Variants in DBT observed in about 807,000 individuals in gnomAD.
DBT encodes the protein lipoamide acyltransferase component of branched-chain alpha-keto acid dehydrogenase complex, mitochondrial.
DBT carries 40 observed loss-of-function variants against 51.3 expected under a neutral mutation model. The observed-to-expected ratio is 0.78, with a 90% CI of 0.61 to 1.02. The LOEUF (loss-of-function observed/expected upper bound fraction) is 1.02. Among genes scored for constraint, DBT ranks in the 50% least tolerant of loss-of-function variants. The pLI is 0.00. For synonymous variants in DBT, 181 were observed against 190.4 expected (o/e 0.95, Z 0.41); for missense variants, 510 against 580.2 (o/e 0.88, Z 1.24).
chr1:100,235,620 C>T (rs1302361825), intron 2 of DBT, 109 bp from the exon 3 acceptor site: 1 of 629,360 alleles, frequency 1.6e-6, no homozygotes, highest in East Asian at 2.9e-5. Flanking sequence ...GAAATTCTTC[C>T]ATCTTACAGA....
chr1:100,218,134 T>C lies in DBT; in HGVS notation c.555+492A>G, dbSNP rs188419936. Among the ~76,000 whole-genome samples, 100 of 152,338 alleles carry C rather than the reference T, an allele frequency of 6.6e-4. 2 individuals are homozygous for C. The highest frequency in any genetic ancestry group is 2.0e-3 in the Admixed American group (30 of 15,302). On this transcript the variant is annotated intron_variant, in intron 5 of 10. Coordinates refer to ENST00000370132, the MANE Select transcript of DBT (RefSeq NM_001918.5). Reference sequence around the variant, plus strand: ...CCTCAAAGCAGTAATTCTGTGGTTCTCCCTTGCACCCTCAGATCAGGCCAG... The same window carrying C: ...CCTCAAAGCAGTAATTCTGTGGTTCCCCCTTGCACCCTCAGATCAGGCCAG...
chr1:100,245,566 T>C (rs1271690286), intron 1 of DBT, among the ~76,000 whole-genome samples: 1 of 152,228 alleles, frequency 6.6e-6, no homozygotes. Flanking sequence ...AATAACACCA[T>C]TTTCATTCTC....
intron 7 of DBT, among the ~76,000 whole-genome samples, chr1:100,214,364 A>C (rs1272228875): frequency 6.6e-6 from 1 of 152,214 alleles, no homozygotes; most frequent in Non-Finnish European, 1.5e-5. Context: ...GAACAAAGAA[A>C]TGGCACATTT....
At chr1:100,228,273 C>A (rs940252472) in intron 4 of DBT, among the ~76,000 whole-genome samples, 11 of 152,104 alleles carry the variant, frequency 7.2e-5, no homozygotes. Flanking sequence ...AAAACAAAGG[C>A]AATCTCTTCA....
At chr1:100,223,920 T>G (rs1039441262) in intron 4 of DBT, among the ~76,000 whole-genome samples, 2 of 152,184 alleles carry the variant, frequency 1.3e-5, no homozygotes, top group African/African-American at 4.8e-5. Context: ...CAGATACAAG[T>G]TGGCATACCT....
In DBT at chr1:100,206,565, C is replaced by G; in HGVS notation, c.1089G>C (p.Gln363His). Residue 363 changes from glutamine (Q) to histidine (H), a missense_variant, in exon 9 of 11, where the codon CAG becomes CAC. Transcript: ENST00000370132. ...GLIVPNVKNV[Q>H]ICSIFDIATE... is the part of the protein sequence containing the mutation. ...TGGCGATGTCAAATATAGAGCAGAT[C>G]TGAACATTTTTCACATTAGGGACAA... 1 of 1,612,230 alleles carries G rather than the reference C, an allele frequency of 6.2e-7. No individual in the cohort carries two copies.
intron 1 of DBT, among the ~76,000 whole-genome samples, chr1:100,242,032 A>T (rs1664254186): frequency 6.6e-6 from 1 of 152,044 alleles, no homozygotes; most frequent in African/African-American, 2.4e-5. Context: ...AAAAAAAAAA[A>T]TTTCAATGCT....
At chr1:100,214,139 A>G (rs1456612739) in intron 7 of DBT, among the ~76,000 whole-genome samples, 1 of 152,162 alleles carries the variant, frequency 6.6e-6, no homozygotes, top group Non-Finnish European at 1.5e-5. Context: ...GATCCTCAAT[A>G]TAAGTTGGTT....
At chr1:100,212,376 G>A (rs1662201265) in intron 7 of DBT, among the ~76,000 whole-genome samples, 1 of 150,528 alleles carries the variant, frequency 6.6e-6, no homozygotes, top group South Asian at 2.1e-4. Flanking sequence ...TCTCTACTAA[G>A]AATAAAAAAA....
At chr1:100,229,556 AC>A (rs1243657816) in intron 4 of DBT, among the ~76,000 whole-genome samples, 1 of 152,204 alleles carries the variant, frequency 6.6e-6, no homozygotes, top group Admixed American at 6.5e-5. Flanking sequence ...TATAAATTAT[AC>A]CATGTGATTC....
chr1:100,211,232 G>A, intron 7 of DBT: 1 of 680,618 alleles, frequency 1.5e-6, no homozygotes, highest in Non-Finnish European at 2.7e-6. Context: ...TTTGCTACTT[G>A]GTGTCCTTGG....
chr1:100,224,721 A>C (rs1001499110), intron 4 of DBT, among the ~76,000 whole-genome samples: 1 of 152,006 alleles, frequency 6.6e-6, no homozygotes, highest in Non-Finnish European at 1.5e-5. Flanking sequence ...ACATACATAA[A>C]ATATAAAATC....
chr1:100,238,080 T>A (rs1663987034), intron 2 of DBT, among the ~76,000 whole-genome samples: 1 of 152,002 alleles, frequency 6.6e-6, no homozygotes, highest in African/African-American at 2.4e-5. Context: ...TGACTCCAGG[T>A]TTCTAGCTTT....
In DBT at chr1:100,193,775, G is replaced by T. The variant is rs1557937625; in HGVS notation, c.*2480C>A. 1 of 152,032 alleles carries T rather than the reference G, an allele frequency of 6.6e-6. No homozygotes were observed. The highest frequency in any genetic ancestry group is 2.4e-5 in the African/African-American group (1 of 41,388). The allele number at this position is 152,032 out of a possible 1,614,324, so 9.4% of individuals were successfully genotyped here. On this transcript the variant is annotated 3_prime_UTR_variant, in exon 11 of 11. Transcript: ENST00000370132. ...CTGCCACCGTGCCTGGCTGATTTTT[G>T]TATTTTCAATAGAGATGAGGTTTCA...
rs1377402157 is a variant in DBT, at chr1:100,189,528, A to G, written c.*6727T>C. ...AAAGCATTGGAATGAATGTCTGTAG[A>G]TCAGGACAGAGGTGGGTTCAGAGAA... On this transcript the variant is annotated 3_prime_UTR_variant, in exon 11 of 11. Transcript: ENST00000370132. 2 of 152,152 alleles carry G rather than the reference A, an allele frequency of 1.3e-5. No homozygotes were observed. Among genetic ancestry groups the G allele is most frequent in the African/African-American group, 2.4e-5 (1 of 41,410 alleles). 9.4% of individuals were successfully genotyped at this position (152,152 alleles called of 1,614,324 possible).
intron 10 of DBT, among the ~76,000 whole-genome samples, chr1:100,201,136 A>C (rs1411274420): frequency 1.3e-5 from 2 of 152,166 alleles, no homozygotes; most frequent in Admixed American, 6.5e-5. Flanking sequence ...AACCCAATGC[A>C]AGGAAGCTAG....
intron 3 of DBT, among the ~76,000 whole-genome samples, chr1:100,232,880 GT>G (rs1557957522): frequency 6.6e-6 from 1 of 152,162 alleles, no homozygotes; most frequent in East Asian, 1.9e-4. Flanking sequence ...ATTCTATTAA[GT>G]TTCTACTAAT....
Position 100,193,839 on chromosome 1 carries a change from G to A in DBT, c.*2416C>T, listed in dbSNP as rs1431729953. On this transcript the variant is annotated 3_prime_UTR_variant, in exon 11 of 11. Coordinates refer to ENST00000370132, the MANE Select transcript of DBT (RefSeq NM_001918.5). ...GCTGGTCTCGAACTCCTGACCTTGTGATCTACCTGCCTTGGCCTCCCAAAG... is the reference window on the plus strand; with the variant it reads ...GCTGGTCTCGAACTCCTGACCTTGTAATCTACCTGCCTTGGCCTCCCAAAG... 1 of 152,190 alleles carries A rather than the reference G, an allele frequency of 6.6e-6. No individual in the cohort carries two copies. The highest frequency in any genetic ancestry group is 1.5e-5 in the Non-Finnish European group (1 of 68,058). The allele number at this position is 152,190 out of a possible 1,614,324, so 9.4% of individuals were successfully genotyped here.
rs748100798 is a variant in DBT at position 100,230,729 on chromosome 1, A to G, written c.433+4T>C. 1.3e-6 allele frequency: 2 copies of G among 1,593,656 alleles called. No homozygotes were observed. Among genetic ancestry groups the G allele is most frequent in the South Asian group, 2.2e-5 (2 of 89,948 alleles). On this transcript the variant is annotated splice_donor_region_variant and intron_variant, in intron 4 of 10. Coordinates refer to ENST00000370132, the MANE Select transcript of DBT (RefSeq NM_001918.5). Reference sequence around the variant, plus strand: ...GGTAAAATAGATTAACAGACTTACAATACCTTTTAAAGCTTCCGTTTCTAT... The same window carrying G: ...GGTAAAATAGATTAACAGACTTACAGTACCTTTTAAAGCTTCCGTTTCTAT...
Sources: allele counts gnomAD v4.1 joint callset (sites outside exome capture counted in the v4.1 genomes callset), GRCh38; gene constraint gnomAD v4.1.1; transcripts MANE v1.5; gene names NCBI Gene and HGNC (gene_info 2026-07-23, HGNC 2026-07-21).